ZNF766: variants seen among roughly 807,000 people sequenced by gnomAD.
The protein encoded by ZNF766 is zinc finger protein 766.
In ZNF766, 13 loss-of-function variants were observed where a neutral mutation model predicts 13.2. The observed-to-expected ratio is 0.98, with a 90% CI of 0.64 to 1.56. The LOEUF is 1.56. Ranked by LOEUF, ZNF766 falls within the 40% of genes most tolerant of loss-of-function variation. ZNF766 has a pLI of 0.00. For synonymous variants in ZNF766, 178 were observed against 187.6 expected (o/e 0.95, Z 0.42); for missense variants, 521 against 552.2 (o/e 0.94, Z 0.57).
rs756930594 is a variant in ZNF766 at position 52,290,710 on chromosome 19, G to GAT, written c.919_920insAT (p.Val307AspfsTer9). 1.9e-6 allele frequency: 3 copies of GAT among 1,613,904 alleles called. No homozygotes were observed. Among genetic ancestry groups the GAT allele is most frequent in the Non-Finnish European group, 2.5e-6 (3 of 1,179,890 alleles). On this transcript the variant is annotated frameshift_variant, in exon 4 of 4. Transcript: ENST00000439461. LOFTEE classifies it low-confidence loss of function (END_TRUNC). ...TCATAAATGTAACAAATGTGGCAAG[G>GAT]TTTATAGTAGCAGTTCATACCTAGC... is the stretch of plus-strand genomic sequence containing the variant.
intron 3 of ZNF766, among the ~76,000 whole-genome samples, chr19:52,289,153 G>GTTTTTT (rs61647050): frequency 3.0e-5 from 4 of 133,468 alleles, no homozygotes; most frequent in African/African-American, 1.1e-4. Flanking sequence ...ACCGCATGTG[G>GTTTTTT]TTTTTTTTTT....
chr19:52,271,831 G>A (rs139839949), intron 1 of ZNF766, among the ~76,000 whole-genome samples: 5 of 152,058 alleles, frequency 3.3e-5, no homozygotes, highest in South Asian at 2.1e-4. Flanking sequence ...GTGGTGACAC[G>A]TACCTGTATT....
rs181644037 is a variant in ZNF766 at position 52,295,132 on chromosome 19, T to A, written c.*3934T>A. 8 of 141,980 alleles carry A rather than the reference T, an allele frequency of 5.6e-5. No individual in the cohort carries two copies. Among genetic ancestry groups the A allele is most frequent in the African/African-American group, 1.2e-4 (4 of 32,638 alleles). 8.8% of individuals were successfully genotyped at this position (141,980 alleles called of 1,614,324 possible). Reference sequence around the variant, plus strand: ...GCACGTATAGACACATATATAATATTTTTTTTTTACTTTTTTCTTTTTCTG... The same window carrying A: ...GCACGTATAGACACATATATAATATATTTTTTTTACTTTTTTCTTTTTCTG... On this transcript the variant is annotated 3_prime_UTR_variant, in exon 4 of 4. Coordinates refer to ENST00000439461, the MANE Select transcript of ZNF766 (RefSeq NM_001010851.3).
At chr19:52,286,203 A>C (rs1981816911) in intron 3 of ZNF766, among the ~76,000 whole-genome samples, 1 of 143,758 alleles carries the variant, frequency 7.0e-6, no homozygotes, top group African/African-American at 2.9e-5. Context: ...CCTAATTATA[A>C]AGGAAAAGCC....
intron 1 of ZNF766, chr19:52,275,430 ATAAG>A (rs1275914861): frequency 6.6e-6 from 1 of 152,220 alleles, no homozygotes; most frequent in Admixed American, 6.5e-5. Flanking sequence ...AACAGTTGGA[ATAAG>A]TAAGCTTAGT....
At position 52,291,296 on chromosome 19, in the gene ZNF766, T is replaced by C; in HGVS notation, c.*98T>C. 1 of 1,169,826 alleles carries C rather than the reference T, an allele frequency of 8.5e-7. No homozygotes were observed. The highest frequency in any genetic ancestry group is 1.6e-5 in the South Asian group (1 of 62,058). 72.5% of individuals were successfully genotyped at this position (1,169,826 alleles called of 1,614,324 possible). On this transcript the variant is annotated 3_prime_UTR_variant, in exon 4 of 4. Transcript: ENST00000439461. ...AATGTACTATATGTGGCACAGGCTG[T>C]ATCGAGACCTACCAAATCACTAGAC...
intron 3 of ZNF766, among the ~76,000 whole-genome samples, chr19:52,286,170 A>T (rs1981809609): frequency 7.2e-6 from 1 of 139,836 alleles, no homozygotes; most frequent in Non-Finnish European, 1.5e-5. Context: ...AAAGAAAGAA[A>T]GAATCCAAGT....
chr19:52,276,856 T>C (rs1311712406), intron 1 of ZNF766, among the ~76,000 whole-genome samples: 1 of 152,222 alleles, frequency 6.6e-6, no homozygotes, highest in South Asian at 2.1e-4. Flanking sequence ...TGCTGTGCTC[T>C]GCATGGGGTT....
At chr19:52,289,153 G>GT (rs61647050) in intron 3 of ZNF766, among the ~76,000 whole-genome samples, 3,909 of 133,318 alleles carry the variant, frequency 0.029, 81 homozygotes, top group South Asian at 0.05. Context: ...ACCGCATGTG[G>GT]TTTTTTTTTT....
intron 1 of ZNF766, 69 bp from the exon 2 acceptor site, chr19:52,282,042 T>C (rs906747480): frequency 6.4e-7 from 1 of 1,553,824 alleles, no homozygotes; most frequent in Admixed American, 1.8e-5. Context: ...CTTACAACCC[T>C]CTTCTCATTT....
intron 1 of ZNF766, among the ~76,000 whole-genome samples, chr19:52,270,916 C>T (rs1268138335): frequency 2.6e-5 from 4 of 152,116 alleles, no homozygotes; most frequent in African/African-American, 9.7e-5. Flanking sequence ...ACCCGAGTAG[C>T]TGGGACTACA....
intron 3 of ZNF766, 55 bp from the exon 4 acceptor site, chr19:52,290,011 C>CA (rs1484226727): frequency 2.8e-5 from 42 of 1,522,154 alleles, no homozygotes; most frequent in Non-Finnish European, 3.4e-5. Flanking sequence ...AAAAAAAGTG[C>CA]AAAAAACATG....
intron 3 of ZNF766, among the ~76,000 whole-genome samples, chr19:52,287,550 G>T (rs57634116): frequency 1.3e-5 from 2 of 152,338 alleles, no homozygotes; most frequent in East Asian, 3.9e-4. Flanking sequence ...AGATTTTGAG[G>T]ATTGGTGTTA....
At chr19:52,277,411 A>T (rs1981260254) in intron 1 of ZNF766, 1 of 1,431,832 alleles carries the variant, frequency 7.0e-7, no homozygotes, top group African/African-American at 1.4e-5. Context: ...GTGAGCTGAG[A>T]TCGGGCCACG....
chr19:52,269,848 C>A (rs192625674), intron 1 of ZNF766, among the ~76,000 whole-genome samples: 1 of 152,296 alleles, frequency 6.6e-6, no homozygotes, highest in Admixed American at 6.5e-5. Flanking sequence ...GCTTTCGCGC[C>A]GTTTTCCTGC....
At chr19:52,285,375 C>G (rs73935088) in intron 3 of ZNF766, among the ~76,000 whole-genome samples, 1 of 152,170 alleles carries the variant, frequency 6.6e-6, no homozygotes, top group Non-Finnish European at 1.5e-5. Context: ...GACTTGCCCC[C>G]CTTCCCACCA....
chr19:52,292,176 CA>C lies in ZNF766; in HGVS notation c.*979del, dbSNP rs1982179183. On this transcript the variant is annotated 3_prime_UTR_variant, in exon 4 of 4. Coordinates refer to ENST00000439461, the MANE Select transcript of ZNF766 (RefSeq NM_001010851.3). ...CTTTCACTGTGGTCTGGGAAAGAAT[CA>C]GTAAGATGACAGGGCTGACTTCATT... The C allele has an allele frequency of 1.4e-6, 1 of 702,692 alleles. No homozygotes were observed. The highest frequency in any genetic ancestry group is 1.7e-5 in the African/African-American group (1 of 57,258). The allele number at this position is 702,692 out of a possible 1,614,324, so 43.5% of individuals were successfully genotyped here. A position where few individuals can be genotyped will look rare whatever the true frequency, so the allele number is the denominator to read the frequency against.
At position 52,278,181 on chromosome 19, in the gene ZNF766, C is replaced by A. The variant is rs148378641; in HGVS notation, c.19-3930C>A. On this transcript the variant is annotated intron_variant, in intron 1 of 3. Transcript: ENST00000439461. ...AGAGATGGGGTTTCACCATCTCCAC[C>A]CACCTCAGCCTCCCAAAGTGTTGGG... 4.5e-3 allele frequency among the ~76,000 whole-genome samples: 679 copies of A among 152,086 alleles called. 6 individuals carry two copies. The highest frequency in any genetic ancestry group is 0.016 in the African/African-American group (656 of 41,494).
chr19:52,285,757 G>C (rs938327970), intron 3 of ZNF766, among the ~76,000 whole-genome samples: 1 of 152,176 alleles, frequency 6.6e-6, no homozygotes, highest in South Asian at 2.1e-4. Context: ...CTTAAGACCC[G>C]CAATCAGAAA....
Sources: allele counts gnomAD v4.1 joint callset (sites outside exome capture counted in the v4.1 genomes callset), GRCh38; gene constraint gnomAD v4.1.1; transcripts MANE v1.5; gene names NCBI Gene and HGNC (gene_info 2026-07-23, HGNC 2026-07-21).